PRMT8: variants seen among roughly 807,000 people sequenced by gnomAD.
The protein encoded by PRMT8 is protein arginine methyltransferase 8.
A neutral mutation model predicts 47.1 loss-of-function variants in PRMT8; 7 were observed. That is an observed-to-expected ratio of 0.15 (90% CI 0.08 to 0.28). The LOEUF is 0.28. Ranked by LOEUF, PRMT8 falls within the 10% of genes least tolerant of loss-of-function variation. PRMT8 has a pLI of 1.00. For synonymous variants in PRMT8, 188 were observed against 186.5 expected (o/e 1.01, Z -0.07); for missense variants, 237 against 505.4 (o/e 0.47, Z 5.09).
chr12:3,498,305 T>A (rs573536693), intron 1 of PRMT8, among the ~76,000 whole-genome samples: 2 of 152,232 alleles, frequency 1.3e-5, no homozygotes, highest in Non-Finnish European at 2.9e-5. Context: ...TCTAGTCCGC[T>A]AGGCTGCGAA....
chr12:3,410,223 T>C (rs1189910691), intron 1 of PRMT8, among the ~76,000 whole-genome samples: 1 of 152,240 alleles, frequency 6.6e-6, no homozygotes, highest in Non-Finnish European at 1.5e-5. Flanking sequence ...CCATGTTTTT[T>C]AGGTTTCTCA....
At position 3,593,004 on chromosome 12, in the gene PRMT8, C is replaced by A; in HGVS notation, c.1102-95C>A. ...GCCTTAAGACGCTGGTGCTACCCAT[C>A]CCTGTGGTTCCAGGAGCAGGTGGTG... On this transcript the variant is annotated intron_variant, in intron 9 of 9. Transcript: ENST00000382622. This position sits in a 1 kb window ranked among gnomAD's most constrained non-coding sequence, Gnocchi z 4.8. The A allele has an allele frequency of 3.2e-6, 3 of 933,296 alleles. No homozygotes were observed. Among genetic ancestry groups the A allele is most frequent in the Middle Eastern group, 2.4e-4 (1 of 4,140 alleles). The allele number at this position is 933,296 out of a possible 1,614,324, so 57.8% of individuals were successfully genotyped here.
chr12:3,542,464 ACT>A (rs1348406536), intron 2 of PRMT8, among the ~76,000 whole-genome samples: 1 of 151,962 alleles, frequency 6.6e-6, no homozygotes, highest in African/African-American at 2.4e-5. Flanking sequence ...GGCAAAAGAG[ACT>A]CTGCGAAGGC....
intron 1 of PRMT8, among the ~76,000 whole-genome samples, chr12:3,507,090 T>A (rs947348434): frequency 2.0e-5 from 3 of 151,960 alleles, no homozygotes; most frequent in African/African-American, 7.3e-5. Flanking sequence ...TATCATCTCT[T>A]GTTAGCTAAA....
intron 4 of PRMT8, among the ~76,000 whole-genome samples, chr12:3,559,295 G>A (rs1219957971): frequency 1.3e-5 from 2 of 152,000 alleles, no homozygotes; most frequent in African/African-American, 2.4e-5. Context: ...CTTGTCTTGT[G>A]CCTCCATGCC....
intron 1 of PRMT8, among the ~76,000 whole-genome samples, chr12:3,532,422 C>A (rs1471355355): frequency 6.7e-6 from 1 of 149,918 alleles, no homozygotes; most frequent in Non-Finnish European, 1.5e-5. Flanking sequence ...CCAGCCTGGC[C>A]AACATGGTGA....
At chr12:3,575,674 G>T (rs957010424) in intron 6 of PRMT8, among the ~76,000 whole-genome samples, 1 of 152,210 alleles carries the variant, frequency 6.6e-6, no homozygotes, top group African/African-American at 2.4e-5. Flanking sequence ...TCATGTGGTT[G>T]CTGGGTAGAT....
At position 3,493,125 on chromosome 12, in the gene PRMT8, C is replaced by A. The variant is rs1240984606; in HGVS notation, c.75+1425C>A. Among the ~76,000 whole-genome samples, 2 of 152,180 alleles carry A rather than the reference C, an allele frequency of 1.3e-5. No homozygotes were observed. Among genetic ancestry groups the A allele is most frequent in the African/African-American group, 4.8e-5 (2 of 41,446 alleles). On this transcript the variant is annotated intron_variant, in intron 1 of 9. Transcript: ENST00000382622. The surrounding 1 kb of genome is among the most constrained non-coding windows in gnomAD (Gnocchi z 8.2). ...TGTCAATTTCAAAACAAACACGCTC[C>A]GGGACTTGAACGCAGCGGGGCATTC...
chr12:3,436,929 T>TCGCCCAGTGGATGGCGAGAGTGGA lies in PRMT8; in HGVS notation c.48+55487_48+55488insCGCCCAGTGGATGGCGAGAGTGGA. On this transcript the variant is annotated intron_variant, in intron 1 of 9. Coordinates refer to the PRMT8 transcript ENST00000452611. The surrounding 1 kb of genome is among the most constrained non-coding windows in gnomAD (Gnocchi z 4.2). ...GGGTGTCCCAGTGGATGGCGAGAGT[T>TCGCCCAGTGGATGGCGAGAGTGGA]TGGTAGGTTCAATTTGATTCAGTTT... Among the ~76,000 whole-genome samples, 1 of 152,340 alleles carries TCGCCCAGTGGATGGCGAGAGTGGA rather than the reference T, an allele frequency of 6.6e-6. No individual in the cohort carries two copies. The highest frequency in any genetic ancestry group is 1.5e-5 in the Non-Finnish European group (1 of 68,020).
rs73039248 is a variant in PRMT8 at position 3,388,361 on chromosome 12, G to A, written c.48+6919G>A. Among the ~76,000 whole-genome samples the A allele has an allele frequency of 3.5e-4, 54 of 152,190 alleles. 1 individual carries two copies. The highest frequency in any genetic ancestry group is 6.9e-4 in the Non-Finnish European group (47 of 68,024). On this transcript the variant is annotated intron_variant, in intron 1 of 9. Transcript: ENST00000452611. The stretch of plus-strand genomic sequence containing the variant: ...TGTCCTTCTCAATCATCCCATCGGG[G>A]GCATAAAATGTCAATGTGTCCCATC...
chr12:3,452,470 C>T (rs542812031), intron 1 of PRMT8, among the ~76,000 whole-genome samples: 5 of 152,098 alleles, frequency 3.3e-5, no homozygotes, highest in East Asian at 1.9e-4. Flanking sequence ...CAGATAGATC[C>T]GAGAATTAAT....
chr12:3,567,843 G>A (rs745624977), intron 4 of PRMT8, among the ~76,000 whole-genome samples: 21 of 152,166 alleles, frequency 1.4e-4, no homozygotes, highest in Non-Finnish European at 2.2e-4. Context: ...GGAGGCCGAG[G>A]CGGGTAGATC....
chr12:3,546,065 T>C (rs1866323764), intron 2 of PRMT8, among the ~76,000 whole-genome samples: 1 of 152,094 alleles, frequency 6.6e-6, no homozygotes, highest in South Asian at 2.1e-4. Context: ...CTCCAAATAA[T>C]TGGAAAGTAG....
intron 1 of PRMT8, among the ~76,000 whole-genome samples, chr12:3,417,706 T>G (rs997967062): frequency 2.0e-5 from 3 of 152,224 alleles, no homozygotes; most frequent in African/African-American, 7.2e-5. Flanking sequence ...CATTCCATAT[T>G]GTCACTCGTA....
intron 2 of PRMT8, among the ~76,000 whole-genome samples, chr12:3,546,001 T>C (rs1250153086): frequency 1.3e-5 from 2 of 152,240 alleles, no homozygotes; most frequent in Non-Finnish European, 2.9e-5. Flanking sequence ...GAGTATGTTT[T>C]TTGATCACAA....
chr12:3,491,186 C>T, upstream of PRMT8: 3 of 992,052 alleles, frequency 3.0e-6, no homozygotes, highest in Non-Finnish European at 3.6e-6. Context: ...CTAGGAGAGA[C>T]GCGCAGGAAG....
Position 3,540,513 on chromosome 12 carries a change from G to A in PRMT8, c.76-93G>A, listed in dbSNP as rs1866202868. 4 of 849,964 alleles carry A rather than the reference G, an allele frequency of 4.7e-6. No individual in the cohort carries two copies. The South Asian group carries it at 4.7e-5, about 10-fold the overall frequency. 52.7% of individuals were successfully genotyped at this position (849,964 alleles called of 1,614,324 possible). ...GGCTGCTGTGGCTGCTTGAGGCCGG[G>A]CTCAGGGAGGGGGAAGGAAAGAGGA... On this transcript the variant is annotated intron_variant, in intron 1 of 9. Coordinates refer to ENST00000382622, the MANE Select transcript of PRMT8 (RefSeq NM_019854.5).
In PRMT8 at chr12:3,406,062, A is replaced by G. The variant is rs115530139; in HGVS notation, c.48+24620A>G. On this transcript the variant is annotated intron_variant, in intron 1 of 9. Transcript: ENST00000452611. Reference sequence around the variant, plus strand: ...GATTTCCATACATTTCTGAAATCTAAGCAGAGGTTCCCAAACTTCCATTCT... The same window carrying G: ...GATTTCCATACATTTCTGAAATCTAGGCAGAGGTTCCCAAACTTCCATTCT... Among the ~76,000 whole-genome samples, 764 of 152,386 alleles carry G rather than the reference A, an allele frequency of 5.0e-3. 6 individuals carry two copies. The highest frequency in any genetic ancestry group is 0.017 in the African/African-American group (719 of 41,596).
intron 1 of PRMT8, among the ~76,000 whole-genome samples, chr12:3,464,680 T>C (rs1865074168): frequency 6.6e-6 from 1 of 152,126 alleles, no homozygotes; most frequent in Non-Finnish European, 1.5e-5. Context: ...AAAAGAAACA[T>C]CTGACAGACT....
Sources: gnomAD v4.1 joint callset for allele counts (sites outside exome capture counted in the v4.1 genomes callset) on GRCh38, gnomAD v4.1.1 for gene constraint, Gnocchi (gnomAD v3.1) non-coding constraint, MANE v1.5 for transcripts, NCBI Gene and HGNC (gene_info 2026-07-23, HGNC 2026-07-21) for gene names.